The following ADAMTS20 variants were observed in gnomAD, a reference collection of about 807,000 sequenced individuals.
The protein encoded by ADAMTS20 is ADAM metallopeptidase with thrombospondin type 1 motif 20.
ADAMTS20 carries 225 observed loss-of-function variants against 260.1 expected under a neutral mutation model. That is an observed-to-expected ratio of 0.87 (90% CI 0.78 to 0.97). ADAMTS20 has a LOEUF of 0.97. Among genes scored for constraint, ADAMTS20 ranks in the 50% least tolerant of loss-of-function variants. The pLI, the probability that ADAMTS20 is intolerant of heterozygous loss-of-function variation, is 0.00. For synonymous variants in ADAMTS20, 802 were observed against 769.5 expected (o/e 1.04, Z -0.70); for missense variants, 2,400 against 2,337.7 (o/e 1.03, Z -0.55).
Position 43,471,111 on chromosome 12 carries a change from G to A in ADAMTS20, c.1118-2406C>T, listed in dbSNP as rs530201777. 3.9e-5 allele frequency among the ~76,000 whole-genome samples: 6 copies of A among 152,226 alleles called. No homozygotes were observed. In the South Asian group the frequency reaches 6.2e-4, roughly 16 times the overall value. On this transcript the variant is annotated intron_variant, in intron 7 of 38. Transcript: ENST00000389420. ...CACTAGGGAGTGCCAGACAGTGGGC[G>A]CAGGCCAGTGGGTGCACGCACCGTG... is the stretch of plus-strand genomic sequence containing the variant.
At chr12:43,390,806 T>C (rs886575638) in intron 29 of ADAMTS20, among the ~76,000 whole-genome samples, 5 of 152,206 alleles carry the variant, frequency 3.3e-5, no homozygotes, top group Non-Finnish European at 5.9e-5. Context: ...CCTCTTCTCT[T>C]TATGGGCTTT....
At chr12:43,421,975 C>T (rs149632870) in intron 28 of ADAMTS20, among the ~76,000 whole-genome samples, 1 of 151,784 alleles carries the variant, frequency 6.6e-6, no homozygotes, top group Non-Finnish European at 1.5e-5. Context: ...TTCAGTGACT[C>T]GGAACATTTT....
At position 43,432,328 on chromosome 12, in the gene ADAMTS20, A is replaced by C; in HGVS notation, c.3072T>G (p.Ser1024Arg). ...CCTCGCTCCATTCACTAGCAGCCCA[A>C]CTGGGACAGGAAAATTCATTGCAAT... ...RENCNEFSCP[S>R]WAASEWSECL... Residue 1024 changes from serine to arginine, a missense_variant, in exon 21 of 39, where the codon AGT (serine) becomes AGG (arginine). Transcript: ENST00000389420. 2 of 1,613,966 alleles carry C rather than the reference A, an allele frequency of 1.2e-6. No homozygotes were observed. The highest frequency in any genetic ancestry group is 1.7e-6 in the Non-Finnish European group (2 of 1,179,866).
intron 7 of ADAMTS20, among the ~76,000 whole-genome samples, chr12:43,486,715 CA>C (rs1592093778): frequency 6.6e-6 from 1 of 151,848 alleles, no homozygotes; most frequent in Non-Finnish European, 1.5e-5. Flanking sequence ...ACAAGATACT[CA>C]AACAAATCGG....
chr12:43,527,309 T>C (rs1360225386), intron 3 of ADAMTS20, among the ~76,000 whole-genome samples: 1 of 152,074 alleles, frequency 6.6e-6, no homozygotes, highest in Non-Finnish European at 1.5e-5. Context: ...ATTTCAAAAA[T>C]TGAGAAACAG....
chr12:43,460,181 G>T (rs958019238), intron 11 of ADAMTS20, among the ~76,000 whole-genome samples: 1 of 152,190 alleles, frequency 6.6e-6, no homozygotes, highest in Non-Finnish European at 1.5e-5. Flanking sequence ...TAATCCACAT[G>T]ATGCTACCCC....
At chr12:43,367,352 G>T (rs1208475799) in intron 37 of ADAMTS20, among the ~76,000 whole-genome samples, 2 of 152,030 alleles carry the variant, frequency 1.3e-5, no homozygotes, top group Non-Finnish European at 2.9e-5. Flanking sequence ...CCATGACTAA[G>T]TGGGATTTAT....
chr12:43,455,969 C>T lies in ADAMTS20; in HGVS notation c.1615-1917G>A, dbSNP rs551164476. ...CCTTTAGATATTGTGAAAAATGCTG[C>T]TATGAGTATGAGTGTACAAATATAT... On this transcript the variant is annotated intron_variant, in intron 11 of 38. Coordinates refer to ENST00000389420, the MANE Select transcript of ADAMTS20 (RefSeq NM_025003.5). Among the ~76,000 whole-genome samples the T allele has an allele frequency of 1.8e-4, 28 of 152,272 alleles. No homozygotes were observed. The South Asian group carries it at 5.6e-3, about 30-fold the overall frequency.
intron 4 of ADAMTS20, 92 bp downstream of exon 4, chr12:43,502,060 A>G: frequency 8.0e-7 from 1 of 1,244,706 alleles, no homozygotes; most frequent in Non-Finnish European, 1.1e-6. Context: ...ATTACATCTA[A>G]AGAGTTTGGA....
chr12:43,428,268 G>T lies in ADAMTS20; in HGVS notation c.3918C>A (p.Asn1306Lys), dbSNP rs764227686. 1 of 1,613,896 alleles carries T rather than the reference G, an allele frequency of 6.2e-7. No individual in the cohort carries two copies. The highest frequency in any genetic ancestry group is 8.5e-7 in the Non-Finnish European group (1 of 1,179,866). ...ATCCCCATGGTCCGGTTCTCCACTG[G>T]TTTCCTCTGACTGATGGATGGACCA... ...NQVVHPSVRG[N>K]QWRTGPWGSC... The change falls in exon 26 of 39, where the codon AAC becomes AAA. Residue 1306 changes from asparagine (N) to lysine (K), a missense_variant. Asn to Lys is a moderately conservative substitution (Grantham distance 94, BLOSUM62 0). Coordinates refer to ENST00000389420, the MANE Select transcript of ADAMTS20 (RefSeq NM_025003.5).
intron 2 of ADAMTS20, among the ~76,000 whole-genome samples, chr12:43,546,192 C>T (rs540706885): frequency 6.6e-6 from 1 of 152,066 alleles, no homozygotes; most frequent in Non-Finnish European, 1.5e-5. Context: ...CCTGTCTGAA[C>T]AAGAAGTTAC....
In ADAMTS20 at chr12:43,430,341, A is replaced by G. The variant is rs1319213911; in HGVS notation, c.3381+11T>C. 1.2e-6 allele frequency: 2 copies of G among 1,608,130 alleles called. No homozygotes were observed. Among genetic ancestry groups the G allele is most frequent in the East Asian group, 2.2e-5 (1 of 44,780 alleles). ...TAAATCTTTTTGTTTGTAAACCATG[A>G]TTCTTTTTACCTGTCTGTCACTGGG... On this transcript the variant is annotated intron_variant, in intron 23 of 38. Coordinates refer to ENST00000389420, the MANE Select transcript of ADAMTS20 (RefSeq NM_025003.5).
intron 2 of ADAMTS20, among the ~76,000 whole-genome samples, chr12:43,542,057 C>G (rs1943383649): frequency 6.6e-6 from 1 of 152,080 alleles, no homozygotes; most frequent in African/African-American, 2.4e-5. Context: ...TAACATGGAG[C>G]AAATTCTGTA....
intron 7 of ADAMTS20, among the ~76,000 whole-genome samples, chr12:43,470,204 G>A (rs998253540): frequency 9.9e-5 from 15 of 152,024 alleles, no homozygotes; most frequent in African/African-American, 3.6e-4. Flanking sequence ...TAAGTTTAAG[G>A]GAAACGCATT....
intron 7 of ADAMTS20, among the ~76,000 whole-genome samples, chr12:43,472,267 G>C (rs576016824): frequency 1.3e-5 from 2 of 152,060 alleles, no homozygotes; most frequent in African/African-American, 4.8e-5. Flanking sequence ...GAAATGAAGT[G>C]AGAAGGGAAG....
intron 4 of ADAMTS20, among the ~76,000 whole-genome samples, chr12:43,497,338 A>G (rs548109490): frequency 6.6e-6 from 1 of 152,180 alleles, no homozygotes; most frequent in Non-Finnish European, 1.5e-5. Context: ...CTTACCAACC[A>G]TTTTGAAAAT....
intron 3 of ADAMTS20, 22 bp from the exon 4 acceptor site, chr12:43,502,427 A>G (rs1436971275): frequency 6.4e-7 from 1 of 1,566,258 alleles, no homozygotes; most frequent in South Asian, 1.2e-5. Context: ...AAAAGAATAT[A>G]ATGCAGAGCC....
intron 37 of ADAMTS20, 89 bp downstream of exon 37, chr12:43,369,201 C>T (rs555540615): frequency 1.4e-6 from 1 of 725,608 alleles, no homozygotes; most frequent in African/African-American, 1.9e-5. Context: ...ACTTATGTTT[C>T]TTGCAATATT....
In ADAMTS20 at chr12:43,383,897, T is replaced by G; in HGVS notation, c.4533A>C (p.Glu1511Asp). 6.2e-7 allele frequency: 1 copy of G among 1,613,976 alleles called. No homozygotes were observed. The highest frequency in any genetic ancestry group is 1.1e-5 in the South Asian group (1 of 91,082). Reference protein sequence around the residue: ...RLKGVGQVVEEMCDQSTRPCS... With the variant: ...RLKGVGQVVEDMCDQSTRPCS... ...AAGGTCGGGTGGACTGATCACACAT[T>G]TCTTCAACCACCTGACCAACACCTT... The change falls in exon 30 of 39, where the codon GAA becomes GAC. Residue 1511 changes from glutamate (E) to aspartate (D), a missense_variant. By Grantham distance (45) the Glu-to-Asp change is conservative. Transcript: ENST00000389420.
Sources: gnomAD v4.1 joint callset for allele counts (sites outside exome capture counted in the v4.1 genomes callset) on GRCh38, gnomAD v4.1.1 for gene constraint, MANE v1.5 for transcripts, NCBI Gene and HGNC (gene_info 2026-07-23, HGNC 2026-07-21) for gene names.